Variants in ZNF429 observed in about 807,000 individuals in gnomAD.
ZNF429 encodes zinc finger protein 429.
In ZNF429, 53 loss-of-function variants were observed where a neutral mutation model predicts 56.8. The observed-to-expected ratio is 0.93, with a 90% CI of 0.75 to 1.17. The LOEUF (loss-of-function observed/expected upper bound fraction) is 1.17. Among genes scored for constraint, ZNF429 ranks in the 50% most tolerant of loss-of-function variants. The pLI, the probability that ZNF429 is intolerant of heterozygous loss-of-function variation, is 0.00. For missense variants in ZNF429, 849 were observed against 788.4 expected, an observed-to-expected ratio of 1.08 and a Z score of -0.92; for synonymous variants, 278 against 264.7, an observed-to-expected ratio of 1.05 and a Z score of -0.49.
In ZNF429 at chr19:21,537,327, A is replaced by T; in HGVS notation, c.1274A>T (p.Tyr425Phe). 6.2e-7 allele frequency: 1 copy of T among 1,614,082 alleles called. No homozygotes were observed. The highest frequency in any genetic ancestry group is 8.5e-7 in the Non-Finnish European group (1 of 1,179,984). ...DKKIHTGEKP[Y>F]NCEECGKVFT... ...AAAATTCATACTGGAGAGAAACCCT[A>T]CAATTGTGAAGAATGTGGCAAAGTT... The change falls in exon 4 of 4, where the codon TAC (tyrosine) becomes TTC (phenylalanine). Residue 425 changes from tyrosine to phenylalanine, a missense_variant. Coordinates refer to ENST00000358491, the MANE Select transcript of ZNF429 (RefSeq NM_001001415.4).
intron 1 of ZNF429, among the ~76,000 whole-genome samples, chr19:21,511,835 G>A (rs1483875786): frequency 6.6e-6 from 1 of 152,166 alleles, no homozygotes; most frequent in African/African-American, 2.4e-5. Flanking sequence ...GGCACCTTGG[G>A]AGGCTGAGGC....
intron 1 of ZNF429, 101 bp from the exon 2 acceptor site, chr19:21,529,557 T>C: frequency 1.6e-6 from 2 of 1,285,882 alleles, no homozygotes; most frequent in Admixed American, 5.9e-5. Flanking sequence ...CTTTACTCTC[T>C]CATTTCACCT....
At position 21,536,943 on chromosome 19, in the gene ZNF429, C is replaced by G; in HGVS notation, c.890C>G (p.Ser297Cys). Reference sequence around the variant, plus strand: ...GAATGTGGCAAAACCTTTAGCATATCCTCAACCTTTACTAAACATAAGATA... The same window carrying G: ...GAATGTGGCAAAACCTTTAGCATATGCTCAACCTTTACTAAACATAAGATA... The part of the protein sequence containing the change: ...CDECGKTFSI[S>C]STFTKHKIIH... Residue 297 changes from serine to cysteine, a missense_variant, in exon 4 of 4, where the codon TCC becomes TGC. By Grantham distance (112) the Ser-to-Cys change is moderately radical. Coordinates refer to ENST00000358491, the MANE Select transcript of ZNF429 (RefSeq NM_001001415.4). 6.2e-7 allele frequency: 1 copy of G among 1,611,786 alleles called. No homozygotes were observed. Among genetic ancestry groups the G allele is most frequent in the South Asian group, 1.1e-5 (1 of 90,700 alleles).
intron 3 of ZNF429, among the ~76,000 whole-genome samples, chr19:21,535,456 C>G: frequency 1.8e-5 from 1 of 56,382 alleles, no homozygotes. Context: ...TTCTTTCTTT[C>G]TTTCTTTCTT....
intron 1 of ZNF429, among the ~76,000 whole-genome samples, chr19:21,523,352 TTAATG>T (rs1404716441): frequency 6.6e-6 from 1 of 152,216 alleles, no homozygotes; most frequent in Non-Finnish European, 1.5e-5. Flanking sequence ...GTTTTACCAT[TTAATG>T]TAATGGCAAA....
chr19:21,538,039 G>A lies in ZNF429; in HGVS notation c.1986G>A (p.Gly662=), dbSNP rs771648596. The change falls in exon 4 of 4, where the codon GGG becomes GGA. Residue 662 remains glycine (G), a synonymous_variant. Coordinates refer to ENST00000358491, the MANE Select transcript of ZNF429 (RefSeq NM_001001415.4). ...CNPSTLGGRG[G]RITRSGDRDR... The stretch of plus-strand genomic sequence containing the variant: ...CCAGCACTTTGGGAGGCAGAGGTGG[G>A]CGGATCACGAGGTCAGGAGATCGAG... 1 of 1,579,804 alleles carries A rather than the reference G, an allele frequency of 6.3e-7. No individual in the cohort carries two copies. The highest frequency in any genetic ancestry group is 1.1e-5 in the South Asian group (1 of 90,056).
At chr19:21,516,099 C>T (rs778386323) in intron 1 of ZNF429, among the ~76,000 whole-genome samples, 2 of 151,998 alleles carry the variant, frequency 1.3e-5, no homozygotes, top group South Asian at 2.1e-4. Context: ...GACCTAGTCT[C>T]GCTTAATTCC....
intron 1 of ZNF429, among the ~76,000 whole-genome samples, chr19:21,512,662 CAAAAAAAAAAAAA>C (rs35584125): frequency 1.2e-5 from 1 of 81,378 alleles, no homozygotes; most frequent in South Asian, 5.0e-4. Context: ...GACTCCATCT[CAAAAAAAAAAAAA>C]AAAAAAAAAG....
At position 21,526,598 on chromosome 19, in the gene ZNF429, A is replaced by G. The variant is rs150146931; in HGVS notation, c.4-3060A>G. ...CAATTACGTCTTTCCTCTTTGAACT[A>G]TGTAGTTATCTCTTGAAACTGTTTA... On this transcript the variant is annotated intron_variant, in intron 1 of 3. Coordinates refer to ENST00000358491, the MANE Select transcript of ZNF429 (RefSeq NM_001001415.4). Among the ~76,000 whole-genome samples, 65 of 152,344 alleles carry G rather than the reference A, an allele frequency of 4.3e-4. 1 individual carries two copies. The highest frequency in any genetic ancestry group is 1.2e-3 in the African/African-American group (50 of 41,586).
At chr19:21,511,239 G>C (rs984626283) in intron 1 of ZNF429, among the ~76,000 whole-genome samples, 1 of 151,910 alleles carries the variant, frequency 6.6e-6, no homozygotes, top group African/African-American at 2.4e-5. Flanking sequence ...CGGACGGGGC[G>C]GCTGGCCCGG....
Position 21,538,681 on chromosome 19 carries a change from T to C in ZNF429, c.*603T>C, listed in dbSNP as rs770080230. 1.3e-5 allele frequency: 2 copies of C among 152,156 alleles called. No homozygotes were observed. Among genetic ancestry groups the C allele is most frequent in the Non-Finnish European group, 2.9e-5 (2 of 68,026 alleles). 9.4% of individuals were successfully genotyped at this position (152,156 alleles called of 1,614,324 possible). A position where few individuals can be genotyped will look rare whatever the true frequency, so the allele number is the denominator to read the frequency against. On this transcript the variant is annotated 3_prime_UTR_variant, in exon 4 of 4. Transcript: ENST00000358491. Reference sequence around the variant, plus strand: ...ATGTGTAGAATGTGGCAAAACTCGTTTTAACTAATGCTCACATCTTATTGC... The same window carrying C: ...ATGTGTAGAATGTGGCAAAACTCGTCTTAACTAATGCTCACATCTTATTGC...
chr19:21,505,683 T>G lies in ZNF429; in HGVS notation c.-89T>G. The G allele has an allele frequency of 6.9e-7, 1 of 1,444,642 alleles. No homozygotes were observed. Among genetic ancestry groups the G allele is most frequent in the Non-Finnish European group, 9.6e-7 (1 of 1,046,144 alleles). The allele number at this position is 1,444,642 out of a possible 1,614,324, so 89.5% of individuals were successfully genotyped here. A position where few individuals can be genotyped will look rare whatever the true frequency, so the allele number is the denominator to read the frequency against. On this transcript the variant is annotated 5_prime_UTR_variant, in exon 1 of 4. Coordinates refer to ENST00000358491, the MANE Select transcript of ZNF429 (RefSeq NM_001001415.4). Reference sequence around the variant, plus strand: ...CTCGTCTTCATTTCTGTGTCCTTTGTTCTTAGAGGCCCAGCCTGTGTGGCC... The same window carrying G: ...CTCGTCTTCATTTCTGTGTCCTTTGGTCTTAGAGGCCCAGCCTGTGTGGCC...
At chr19:21,531,116 A>AAACAAAAC in intron 3 of ZNF429, among the ~76,000 whole-genome samples, 1 of 86,158 alleles carries the variant, frequency 1.2e-5, no homozygotes, top group African/African-American at 5.3e-5. Flanking sequence ...CAAAAAAAAA[A>AAACAAAAC]AAAAAAAAAA....
At position 21,539,113 on chromosome 19, in the gene ZNF429, T is replaced by C. The variant is rs1482914435; in HGVS notation, c.*1035T>C. 9.8e-6 allele frequency among the ~76,000 whole-genome samples: 1 copy of C among 101,636 alleles called. No individual in the cohort carries two copies. The highest frequency in any genetic ancestry group is 2.3e-5 in the Non-Finnish European group (1 of 44,364). 66.7% of individuals were successfully genotyped at this position (101,636 alleles called of 152,430 possible). A position where few individuals can be genotyped will look rare whatever the true frequency, so the allele number is the denominator to read the frequency against. On this transcript the variant is annotated 3_prime_UTR_variant, in exon 4 of 4. Transcript: ENST00000358491. The stretch of plus-strand genomic sequence containing the variant: ...AAACAATGGAGAGTTTATATTAACA[T>C]ATATTTTTGCATATGGCCATATGTA...
Position 21,537,367 on chromosome 19 carries a change from T to C in ZNF429, c.1314T>C (p.Ser438=). 6.3e-7 allele frequency: 1 copy of C among 1,598,580 alleles called. No individual in the cohort carries two copies. Among genetic ancestry groups the C allele is most frequent in the Non-Finnish European group, 8.5e-7 (1 of 1,174,306 alleles). Residue 438 remains serine, a synonymous_variant, in exon 4 of 4, where the codon TCT becomes TCC. Transcript: ENST00000358491. ...GTGGCAAAGTTTTTACCTATTCCTC[T>C]ACACTTACTAGACATAAGAGAATTC... ...EECGKVFTYS[S]TLTRHKRIHT...
rs1190710238 is a variant in ZNF429 at position 21,539,291 on chromosome 19, A to G, written c.*1213A>G. ...AATATCAGAATTTACAGTAGAAACA[A>G]CTAAGACACAAACACTTGAGACATT... On this transcript the variant is annotated 3_prime_UTR_variant, in exon 4 of 4. Coordinates refer to ENST00000358491, the MANE Select transcript of ZNF429 (RefSeq NM_001001415.4). Among the ~76,000 whole-genome samples the G allele has an allele frequency of 6.6e-6, 1 of 151,626 alleles. No individual in the cohort carries two copies. Among genetic ancestry groups the G allele is most frequent in the African/African-American group, 2.4e-5 (1 of 40,920 alleles).
chr19:21,535,383 TAC>T lies in ZNF429; in HGVS notation c.227-896_227-895del. On this transcript the variant is annotated intron_variant, in intron 3 of 3. Coordinates refer to ENST00000358491, the MANE Select transcript of ZNF429 (RefSeq NM_001001415.4). ...CTTCTTTCTTTCTTTCTTTCTTTTTTACTTTCTTTCTTTCTTTCTTTCTTTTT... is the reference window on the plus strand; with the variant it reads ...CTTCTTTCTTTCTTTCTTTCTTTTTTTTTCTTTCTTTCTTTCTTTCTTTTT... 2.8e-3 allele frequency among the ~76,000 whole-genome samples: 106 copies of T among 38,482 alleles called. 9 individuals carry two copies. Among genetic ancestry groups the T allele is most frequent in the African/African-American group, 0.015 (98 of 6,752 alleles). 25.2% of individuals were successfully genotyped at this position (38,482 alleles called of 152,430 possible). A position where few individuals can be genotyped will look rare whatever the true frequency, so the allele number is the denominator to read the frequency against.
At chr19:21,529,848 G>C in intron 2 of ZNF429, 64 bp downstream of exon 2, 1 of 1,144,394 alleles carries the variant, frequency 8.7e-7, no homozygotes, top group Non-Finnish European at 1.2e-6. Flanking sequence ...CCTCTTTGTA[G>C]AATGTTCTTT....
chr19:21,517,414 G>A (rs796388949), intron 1 of ZNF429, among the ~76,000 whole-genome samples: 1 of 122,122 alleles, frequency 8.2e-6, no homozygotes, highest in African/African-American at 3.1e-5. Flanking sequence ...TTTGTTTTAT[G>A]TTTGCCAGGT....
Sources: gnomAD v4.1 joint callset for allele counts (sites outside exome capture counted in the v4.1 genomes callset) on GRCh38, gnomAD v4.1.1 for gene constraint, MANE v1.5 for transcripts, NCBI Gene and HGNC (gene_info 2026-07-23, HGNC 2026-07-21) for gene names.